The following GALNT18 variants were observed in gnomAD, a reference collection of about 807,000 sequenced individuals.
GALNT18 encodes the protein GalNAc-transferase 18.
In GALNT18, 44 loss-of-function variants were observed where a neutral mutation model predicts 69.5. The ratio of observed to expected loss-of-function variants is 0.63; its 90% CI spans 0.50 to 0.81. The LOEUF is 0.81. Among genes scored for constraint, GALNT18 ranks in the 40% least tolerant of loss-of-function variants. GALNT18 has a pLI of 0.00. For synonymous variants in GALNT18, 364 were observed against 318.2 expected, an observed-to-expected ratio of 1.14 and a Z score of -1.53; for missense variants, 715 against 810.0, an observed-to-expected ratio of 0.88 and a Z score of 1.42.
intron 1 of GALNT18, among the ~76,000 whole-genome samples, chr11:11,512,478 G>A (rs4545551): frequency 0.026 from 3,937 of 152,248 alleles, 176 homozygotes; most frequent in African/African-American, 0.091. Flanking sequence ...TTCTGAGTGC[G>A]GCAAAGAATT....
In GALNT18 at chr11:11,520,921, C is replaced by T. The variant is rs987420254; in HGVS notation, c.236-71985G>A. On this transcript the variant is annotated intron_variant, in intron 1 of 10. Transcript: ENST00000227756. ...GGGGAAACTAGTCCTGCATTCCTGG[C>T]AGGGATCGGGAAGCACATCGCAGGG... 9.1e-5 allele frequency among the ~76,000 whole-genome samples: 13 copies of T among 142,834 alleles called. No individual in the cohort carries two copies. The East Asian group carries it at 9.7e-4, about 11-fold the overall frequency. The allele number at this position is 142,834 out of a possible 152,430, so 93.7% of individuals were successfully genotyped here.
In GALNT18 at chr11:11,480,623, T is replaced by C. The variant is rs1033511258; in HGVS notation, c.236-31687A>G. Reference sequence around the variant, plus strand: ...CTGGTTTTGAGATCTGATTCTGTAATGCAGTGGCACCTTCCTACTGGGGAT... The same window carrying C: ...CTGGTTTTGAGATCTGATTCTGTAACGCAGTGGCACCTTCCTACTGGGGAT... On this transcript the variant is annotated intron_variant, in intron 1 of 10. Coordinates refer to ENST00000227756, the MANE Select transcript of GALNT18 (RefSeq NM_198516.3). The surrounding 1 kb of genome is among the most constrained non-coding windows in gnomAD (Gnocchi z 4.6). Among the ~76,000 whole-genome samples, 2 of 152,198 alleles carry C rather than the reference T, an allele frequency of 1.3e-5. No homozygotes were observed. The highest frequency in any genetic ancestry group is 2.9e-5 in the Non-Finnish European group (2 of 68,038).
At chr11:11,507,924 C>T (rs1047171358) in intron 1 of GALNT18, among the ~76,000 whole-genome samples, 1 of 152,204 alleles carries the variant, frequency 6.6e-6, no homozygotes, top group Non-Finnish European at 1.5e-5. Context: ...TGCTTCCTGC[C>T]CTTGAACATT....
At chr11:11,276,161 T>TA (rs1848941858) in intron 10 of GALNT18, among the ~76,000 whole-genome samples, 1 of 152,230 alleles carries the variant, frequency 6.6e-6, no homozygotes. Flanking sequence ...TTCCCACCCA[T>TA]GAGCGTGGAA....
At chr11:11,282,417 AG>A (rs1327091878) in intron 10 of GALNT18, among the ~76,000 whole-genome samples, 1 of 152,230 alleles carries the variant, frequency 6.6e-6, no homozygotes, top group Non-Finnish European at 1.5e-5. Context: ...TCCTGACAAA[AG>A]CCCTGAGAGG....
chr11:11,508,730 T>G (rs1857115948), intron 1 of GALNT18, among the ~76,000 whole-genome samples: 1 of 152,200 alleles, frequency 6.6e-6, no homozygotes, highest in Non-Finnish European at 1.5e-5. Context: ...TTTGGCACTT[T>G]TTTCCTATAG....
chr11:11,609,549 T>A (rs1330713456), intron 1 of GALNT18, among the ~76,000 whole-genome samples: 1 of 152,176 alleles, frequency 6.6e-6, no homozygotes, highest in African/African-American at 2.4e-5. Context: ...CAATAAACGC[T>A]TGTTCAGTGA....
At chr11:11,561,680 C>G (rs1047620581) in intron 1 of GALNT18, among the ~76,000 whole-genome samples, 1 of 152,198 alleles carries the variant, frequency 6.6e-6, no homozygotes, top group Non-Finnish European at 1.5e-5. Flanking sequence ...GCCCAGCGAT[C>G]TTCCCCAAAG....
chr11:11,578,544 T>C (rs1047331383), intron 1 of GALNT18, among the ~76,000 whole-genome samples: 3 of 152,226 alleles, frequency 2.0e-5, no homozygotes, highest in Non-Finnish European at 4.4e-5. Context: ...AGGTTTCCCT[T>C]TTATCCTTTC....
At chr11:11,537,507 TCC>T (rs1239283301) in intron 1 of GALNT18, among the ~76,000 whole-genome samples, 2 of 152,154 alleles carry the variant, frequency 1.3e-5, no homozygotes, top group Non-Finnish European at 2.9e-5. Flanking sequence ...AAAGGATATG[TCC>T]GTGTGTCTCC....
chr11:11,315,957 C>T lies in GALNT18; in HGVS notation c.1512+11129G>A, dbSNP rs1849744805. On this transcript the variant is annotated intron_variant, in intron 9 of 10. Coordinates refer to ENST00000227756, the MANE Select transcript of GALNT18 (RefSeq NM_198516.3). The surrounding 1 kb of genome is among the most constrained non-coding windows in gnomAD (Gnocchi z 5.6). ...GTGAGCCTCACAGGGCCAGTCCCCGCATCACTCTGTACTGACATGAATGGT... is the reference window on the plus strand; with the variant it reads ...GTGAGCCTCACAGGGCCAGTCCCCGTATCACTCTGTACTGACATGAATGGT... 6.6e-6 allele frequency among the ~76,000 whole-genome samples: 1 copy of T among 152,052 alleles called. No homozygotes were observed. The highest frequency in any genetic ancestry group is 1.5e-5 in the Non-Finnish European group (1 of 68,026).
At chr11:11,368,297 A>G (rs1015437512) in intron 6 of GALNT18, among the ~76,000 whole-genome samples, 1 of 152,168 alleles carries the variant, frequency 6.6e-6, no homozygotes, top group Non-Finnish European at 1.5e-5. Flanking sequence ...GGATATCTTT[A>G]TATTTACCTC....
chr11:11,381,870 G>A (rs1313679076), intron 3 of GALNT18, among the ~76,000 whole-genome samples: 2 of 152,204 alleles, frequency 1.3e-5, no homozygotes, highest in Non-Finnish European at 2.9e-5. Flanking sequence ...CCAATGGATG[G>A]TTGCTGATTC....
chr11:11,346,978 A>G (rs1237724265), intron 6 of GALNT18, among the ~76,000 whole-genome samples: 1 of 152,180 alleles, frequency 6.6e-6, no homozygotes, highest in Non-Finnish European at 1.5e-5. Context: ...GAGATGCTGT[A>G]TATGACAAGC....
intron 3 of GALNT18, among the ~76,000 whole-genome samples, chr11:11,384,142 A>G (rs1853993350): frequency 6.6e-6 from 1 of 152,108 alleles, no homozygotes; most frequent in Non-Finnish European, 1.5e-5. Flanking sequence ...ACAGTCTGCA[A>G]TGGACTGAGT....
chr11:11,344,665 G>A (rs1013709680), intron 6 of GALNT18, among the ~76,000 whole-genome samples: 3 of 152,196 alleles, frequency 2.0e-5, no homozygotes, highest in Non-Finnish European at 2.9e-5. Context: ...CCTTTGGCAG[G>A]TTACTTCCCT....
chr11:11,621,281 A>C lies in GALNT18; in HGVS notation c.235+78T>G. 2.5e-6 allele frequency: 3 copies of C among 1,212,944 alleles called. No homozygotes were observed. The South Asian group carries it at 4.0e-5, about 16-fold the overall frequency. The allele number at this position is 1,212,944 out of a possible 1,614,324, so 75.1% of individuals were successfully genotyped here. ...CCCCGCCGTGGCTGAGTTGATGCGC[A>C]CCAGCCCCAGCGCACCCCGCGCCGC... On this transcript the variant is annotated intron_variant, in intron 1 of 10. Coordinates refer to ENST00000227756, the MANE Select transcript of GALNT18 (RefSeq NM_198516.3). The surrounding 1 kb of genome is among the most constrained non-coding windows in gnomAD (Gnocchi z 9.3).
At chr11:11,458,030 T>A (rs112421198) in intron 1 of GALNT18, among the ~76,000 whole-genome samples, 1 of 152,178 alleles carries the variant, frequency 6.6e-6, no homozygotes, top group African/African-American at 2.4e-5. Flanking sequence ...GAGTCTGAAG[T>A]ACACTTGGGG....
chr11:11,327,683 C>A (rs996020547), intron 8 of GALNT18, among the ~76,000 whole-genome samples: 24 of 152,078 alleles, frequency 1.6e-4, no homozygotes, highest in African/African-American at 5.6e-4. Context: ...AGTGGGAGGT[C>A]GGATGGGAGA....
Sources: gnomAD v4.1 joint callset for allele counts (sites outside exome capture counted in the v4.1 genomes callset) on GRCh38, gnomAD v4.1.1 for gene constraint, Gnocchi (gnomAD v3.1) non-coding constraint, MANE v1.5 for transcripts, NCBI Gene and HGNC (gene_info 2026-07-23, HGNC 2026-07-21) for gene names.